The following KLF12 variants were observed in gnomAD, a reference collection of about 807,000 sequenced individuals.
The protein encoded by KLF12 is Krueppel-like factor 12.
KLF12 carries 9 observed loss-of-function variants against 37.8 expected under a neutral mutation model. The ratio of observed to expected loss-of-function variants is 0.24; its 90% confidence interval spans 0.14 to 0.42. The LOEUF is 0.42. KLF12 is among the 10% of genes least tolerant of loss of function. KLF12 has a pLI of 1.00. For synonymous variants in KLF12, 208 were observed against 202.1 expected (o/e 1.03, Z -0.25); for missense variants, 411 against 516.0 (o/e 0.80, Z 1.97).
At chr13:74,225,287 T>G in the KLF12 span, among the ~76,000 whole-genome samples, 1 of 152,142 alleles carries the variant, frequency 6.6e-6, no homozygotes. Context: ...TACTCAAGAC[T>G]AGAATGCCAA....
the KLF12 span, among the ~76,000 whole-genome samples, chr13:74,253,401 C>T: frequency 1.3e-5 from 2 of 152,118 alleles, no homozygotes; most frequent in Non-Finnish European, 2.9e-5. Context: ...CACAATATAT[C>T]ATGCAATGTA....
the KLF12 span, among the ~76,000 whole-genome samples, chr13:74,218,961 AGT>A: frequency 1.4e-5 from 1 of 69,640 alleles, no homozygotes; most frequent in Non-Finnish European, 2.6e-5. Flanking sequence ...TAAAAATAAG[AGT>A]TTTTTTTTTT....
chr13:73,754,996 A>G (rs1879045127), intron 6 of KLF12, among the ~76,000 whole-genome samples: 2 of 152,194 alleles, frequency 1.3e-5, no homozygotes, highest in African/African-American at 4.8e-5. Flanking sequence ...TTCACAAATA[A>G]ATGCCTTATG....
chr13:73,762,880 T>TCA (rs1159738325), intron 6 of KLF12, among the ~76,000 whole-genome samples: 12 of 152,142 alleles, frequency 7.9e-5, no homozygotes, highest in African/African-American at 2.9e-4. Flanking sequence ...TATACTAGAC[T>TCA]CACAGTATTT....
At chr13:74,162,009 T>A in the KLF12 span, among the ~76,000 whole-genome samples, 1 of 152,174 alleles carries the variant, frequency 6.6e-6, no homozygotes, top group African/African-American at 2.4e-5. Flanking sequence ...TATAAGAAAA[T>A]ATTTAGACTA....
intron 2 of KLF12, among the ~76,000 whole-genome samples, chr13:73,980,546 T>C (rs931031943): frequency 2.0e-5 from 3 of 152,106 alleles, no homozygotes; most frequent in African/African-American, 7.2e-5. Flanking sequence ...AACTAAATAT[T>C]AAATCAAAAT....
At chr13:74,116,109 G>A (rs1877288439) in intron 1 of KLF12, among the ~76,000 whole-genome samples, 1 of 152,146 alleles carries the variant, frequency 6.6e-6, no homozygotes, top group Admixed American at 6.5e-5. Context: ...GAGGAAAAGT[G>A]GAAACAGGAA....
At chr13:74,147,948 G>A in the KLF12 span, among the ~76,000 whole-genome samples, 11 of 151,152 alleles carry the variant, frequency 7.3e-5, no homozygotes, top group Non-Finnish European at 1.0e-4. Context: ...GTCTCACTCT[G>A]TCGCCCAGGC....
intron 6 of KLF12, among the ~76,000 whole-genome samples, chr13:73,732,153 G>C (rs887806879): frequency 1.3e-5 from 2 of 148,786 alleles, no homozygotes; most frequent in African/African-American, 5.0e-5. Context: ...GCGTGATCTC[G>C]ACTCACTGCA....
chr13:74,266,763 C>A, the KLF12 span, among the ~76,000 whole-genome samples: 2 of 152,186 alleles, frequency 1.3e-5, no homozygotes, highest in Non-Finnish European at 2.9e-5. Flanking sequence ...GATTGTACTT[C>A]TTAATTCAAT....
rs115857865 is a variant in KLF12 at position 73,817,667 on chromosome 13, G to C, written c.671-4380C>G. 6.9e-3 allele frequency among the ~76,000 whole-genome samples: 1,044 copies of C among 152,322 alleles called. 7 individuals are homozygous for C. Among genetic ancestry groups the C allele is most frequent in the African/African-American group, 0.023 (971 of 41,578 alleles). On this transcript the variant is annotated intron_variant, in intron 4 of 7. Transcript: ENST00000377669. ...TAACCTCCTCTTGCAACAAGTAGCT[G>C]AGTTTCGGTCAATCAAAGATGGCCA...
At chr13:74,217,121 T>C in the KLF12 span, among the ~76,000 whole-genome samples, 1 of 152,200 alleles carries the variant, frequency 6.6e-6, no homozygotes, top group Non-Finnish European at 1.5e-5. Flanking sequence ...TGGGACCTTA[T>C]CTATTCTTTC....
chr13:73,694,861 G>A lies in KLF12; in HGVS notation c.*629C>T, dbSNP rs1219385997. ...ACGACAAACAAATGAAAGATTCAAT[G>A]TTGGTTTTCTTCAGGGCATGGCAGA... is the stretch of plus-strand genomic sequence containing the variant. On this transcript the variant is annotated 3_prime_UTR_variant, in exon 8 of 8. Transcript: ENST00000377669. 1.3e-5 allele frequency: 2 copies of A among 152,622 alleles called. No homozygotes were observed. The highest frequency in any genetic ancestry group is 1.3e-4 in the Admixed American group (2 of 15,276). 9.5% of individuals were successfully genotyped at this position (152,622 alleles called of 1,614,324 possible). A position where few individuals can be genotyped will look rare whatever the true frequency, so the allele number is the denominator to read the frequency against.
intron 1 of KLF12, among the ~76,000 whole-genome samples, chr13:74,010,559 C>T (rs1185586502): frequency 6.6e-6 from 1 of 152,138 alleles, no homozygotes; most frequent in Non-Finnish European, 1.5e-5. Flanking sequence ...GCCTACTTTG[C>T]ATCATTTTGT....
the KLF12 span, among the ~76,000 whole-genome samples, chr13:74,184,485 C>T: frequency 1.3e-5 from 2 of 152,090 alleles, no homozygotes; most frequent in African/African-American, 4.8e-5. Context: ...AAGGATGCAG[C>T]AATCTTTAAC....
chr13:73,782,744 T>TGCA (rs1881044987), intron 5 of KLF12, among the ~76,000 whole-genome samples: 1 of 152,212 alleles, frequency 6.6e-6, no homozygotes, highest in Admixed American at 6.5e-5. Context: ...TTTAGTTTCT[T>TGCA]TTTAGTTTTG....
At chr13:74,155,375 T>A in the KLF12 span, among the ~76,000 whole-genome samples, 15 of 152,128 alleles carry the variant, frequency 9.9e-5, no homozygotes, top group Admixed American at 6.5e-4. Flanking sequence ...TTTTGTTTTT[T>A]TTCTAGACAG....
At chr13:73,974,750 T>C (rs1349707162) in intron 2 of KLF12, among the ~76,000 whole-genome samples, 2 of 152,182 alleles carry the variant, frequency 1.3e-5, no homozygotes, top group Non-Finnish European at 2.9e-5. Flanking sequence ...GAAAGAAGAA[T>C]TTGTGATATT....
Position 74,092,059 on chromosome 13 carries a change from G to A in KLF12, c.-32+41680C>T, listed in dbSNP as rs747817149. ...AATCCCAGCACTTTGGGAGGCTGAG[G>A]CGGGCAGATCACGAGGTCAAGAGAT... On this transcript the variant is annotated intron_variant, in intron 1 of 7. Coordinates refer to ENST00000377669, the MANE Select transcript of KLF12 (RefSeq NM_007249.5). Among the ~76,000 whole-genome samples the A allele has an allele frequency of 4.0e-5, 6 of 151,514 alleles. 1 individual carries two copies. Among genetic ancestry groups the A allele is most frequent in the Non-Finnish European group, 2.9e-5 (2 of 67,922 alleles).
Sources: allele counts gnomAD v4.1 joint callset (sites outside exome capture counted in the v4.1 genomes callset), GRCh38; gene constraint gnomAD v4.1.1; transcripts MANE v1.5; gene names NCBI Gene and HGNC (gene_info 2026-07-23, HGNC 2026-07-21).